The following PEBP4 variants were observed in gnomAD, a reference collection of about 807,000 sequenced individuals.
PEBP4 encodes the protein phosphatidylethanolamine binding protein 4.
A neutral mutation model predicts 23.9 loss-of-function variants in PEBP4; 22 were observed. The observed-to-expected ratio is 0.92, with a 90% CI of 0.66 to 1.31. The LOEUF (loss-of-function observed/expected upper bound fraction) is 1.31, where lower values mean the gene tolerates loss of function less well. PEBP4 is among the 40% of genes most tolerant of loss of function. PEBP4 has a pLI of 0.00. For missense variants in PEBP4, 324 were observed against 281.7 expected (o/e 1.15, Z -1.07); for synonymous variants, 112 against 99.3 (o/e 1.13, Z -0.76).
intron 4 of PEBP4, among the ~76,000 whole-genome samples, chr8:22,799,472 T>C (rs1433902594): frequency 6.6e-6 from 1 of 152,262 alleles, no homozygotes; most frequent in Non-Finnish European, 1.5e-5. Flanking sequence ...TTGGGAGAAC[T>C]TTTCTGAAAC....
chr8:22,929,292 T>C (rs1469518576), upstream of PEBP4, among the ~76,000 whole-genome samples: 2 of 152,340 alleles, frequency 1.3e-5, no homozygotes, highest in African/African-American at 4.8e-5. Flanking sequence ...GGGGTATAGG[T>C]TGAGCATGCA....
At chr8:22,875,917 C>CT (rs1214897408) in intron 3 of PEBP4, among the ~76,000 whole-genome samples, 3 of 151,902 alleles carry the variant, frequency 2.0e-5, no homozygotes, top group East Asian at 1.9e-4. Flanking sequence ...GTCACCTGTT[C>CT]TTTTTTTTCT....
intron 5 of PEBP4, among the ~76,000 whole-genome samples, chr8:22,725,810 T>G (rs992953927): frequency 6.6e-6 from 1 of 152,116 alleles, no homozygotes; most frequent in Non-Finnish European, 1.5e-5. Context: ...GAGGGAGTAT[T>G]GGTCCTTTAT....
rs570252955 is a variant in PEBP4, at chr8:22,851,362, G to A, written c.259-33627C>T. ...TTTGCATTCCAGTTCCTTCTGAGTC[G>A]ATTCTTGAGAAGGAATATACTCCCA... On this transcript the variant is annotated intron_variant, in intron 3 of 6. Transcript: ENST00000256404. Among the ~76,000 whole-genome samples the A allele has an allele frequency of 1.2e-4, 19 of 152,262 alleles. No individual in the cohort carries two copies. The South Asian group carries it at 2.7e-3, about 22-fold the overall frequency.
chr8:22,819,559 G>A (rs1229301598), intron 3 of PEBP4, among the ~76,000 whole-genome samples: 2 of 152,100 alleles, frequency 1.3e-5, no homozygotes, highest in Admixed American at 6.5e-5. Flanking sequence ...GACATGGAGT[G>A]GCTATAACTA....
intron 4 of PEBP4, chr8:22,757,745 A>G (rs1389923026): frequency 2.0e-5 from 3 of 152,276 alleles, no homozygotes; most frequent in African/African-American, 7.2e-5. Context: ...AAACAGCTCC[A>G]AGAGAGTTGG....
intron 4 of PEBP4, among the ~76,000 whole-genome samples, chr8:22,779,057 TGGGAAGGTGGGCG>T (rs1805867948): frequency 2.0e-4 from 2 of 10,146 alleles, no homozygotes; most frequent in African/African-American, 4.1e-4. Flanking sequence ...GAGTAGGTGG[TGGGAAGGTGGGCG>T]GGGGAGGTGG....
At chr8:22,804,041 G>A (rs771588387) in intron 4 of PEBP4, among the ~76,000 whole-genome samples, 61 of 152,164 alleles carry the variant, frequency 4.0e-4, no homozygotes, top group Non-Finnish European at 1.3e-4. Context: ...AAAGTGCAAG[G>A]CAGGGGCTGG....
intron 4 of PEBP4, among the ~76,000 whole-genome samples, chr8:22,781,213 G>A (rs1046335086): frequency 6.6e-6 from 1 of 152,220 alleles, no homozygotes; most frequent in Non-Finnish European, 1.5e-5. Flanking sequence ...TGCCCACCAC[G>A]TTTGGATGCC....
At chr8:22,745,333 T>G (rs1805089504) in intron 4 of PEBP4, among the ~76,000 whole-genome samples, 1 of 152,044 alleles carries the variant, frequency 6.6e-6, no homozygotes, top group South Asian at 2.1e-4. Context: ...CAGCCTTGGG[T>G]CCCGCAGAGG....
At chr8:22,837,189 G>A (rs184353048) in intron 3 of PEBP4, among the ~76,000 whole-genome samples, 8 of 152,114 alleles carry the variant, frequency 5.3e-5, no homozygotes, top group Non-Finnish European at 1.0e-4. Context: ...CGAGGTCTGC[G>A]CTAGCTCTTG....
At chr8:22,851,752 T>C (rs190226203) in intron 3 of PEBP4, among the ~76,000 whole-genome samples, 1 of 151,976 alleles carries the variant, frequency 6.6e-6, no homozygotes, top group East Asian at 1.9e-4. Context: ...AAGCGAGGAC[T>C]TGGGGGGAAG....
intron 4 of PEBP4, among the ~76,000 whole-genome samples, chr8:22,785,531 T>A (rs1414599175): frequency 6.6e-6 from 1 of 152,162 alleles, no homozygotes; most frequent in Non-Finnish European, 1.5e-5. Flanking sequence ...ATCCGCCATG[T>A]GCTCCCTGGC....
chr8:22,739,275 C>T (rs1237825065), intron 4 of PEBP4, among the ~76,000 whole-genome samples: 2 of 152,192 alleles, frequency 1.3e-5, no homozygotes, highest in Non-Finnish European at 2.9e-5. Flanking sequence ...TCACCTTGCC[C>T]TCCCTGCCGC....
chr8:22,742,429 C>T (rs758365832), intron 4 of PEBP4, among the ~76,000 whole-genome samples: 5 of 152,194 alleles, frequency 3.3e-5, no homozygotes, highest in East Asian at 1.9e-4. Flanking sequence ...CTGCCCCCAT[C>T]GGCCTGTGGT....
chr8:22,756,107 A>G (rs1805375335), intron 4 of PEBP4: 1 of 152,220 alleles, frequency 6.6e-6, no homozygotes, highest in African/African-American at 2.4e-5. Context: ...GCTGAGACCC[A>G]TATTTAACTC....
chr8:22,741,392 G>A (rs1008224202), intron 4 of PEBP4, among the ~76,000 whole-genome samples: 2 of 152,206 alleles, frequency 1.3e-5, no homozygotes, highest in Admixed American at 1.3e-4. Context: ...CTGTCTGCCA[G>A]GCCCAGGGCT....
Position 22,847,016 on chromosome 8 carries a change from TA to T in PEBP4, c.259-29282del, listed in dbSNP as rs545702477. On this transcript the variant is annotated intron_variant, in intron 3 of 6. Transcript: ENST00000256404. ...GCCTCTACAAAAAATTTTTAAAAAA[TA>T]AAAAAAAAGGGGATCCTGGTAAATT... Among the ~76,000 whole-genome samples, 54 of 150,214 alleles carry T rather than the reference TA, an allele frequency of 3.6e-4. No homozygotes were observed. In the South Asian group the frequency reaches 7.0e-3, roughly 19 times the overall value.
chr8:22,844,951 A>G (rs566180949), intron 3 of PEBP4, among the ~76,000 whole-genome samples: 60 of 152,340 alleles, frequency 3.9e-4, no homozygotes, highest in Admixed American at 1.3e-3. Context: ...AGGGCCCATT[A>G]GCAGGGGGCA....
Sources: gnomAD v4.1 joint callset for allele counts (sites outside exome capture counted in the v4.1 genomes callset) on GRCh38, gnomAD v4.1.1 for gene constraint, MANE v1.5 for transcripts, NCBI Gene and HGNC (gene_info 2026-07-23, HGNC 2026-07-21) for gene names.